Variants in IL31RA observed in about 807,000 individuals in gnomAD.
IL31RA encodes the protein interleukin 31 receptor A, also known as interleukin-31 receptor subunit alpha.
In IL31RA, 66 loss-of-function variants were observed where a neutral mutation model predicts 83.7. The ratio of observed to expected loss-of-function variants is 0.79; its 90% CI spans 0.65 to 0.97. The LOEUF (loss-of-function observed/expected upper bound fraction) is 0.97, where lower values mean the gene tolerates loss of function less well. Ranked by LOEUF, IL31RA falls within the 50% of genes least tolerant of loss-of-function variation. IL31RA has a pLI of 0.00. For synonymous variants in IL31RA, 325 were observed against 329.0 expected (o/e 0.99, Z 0.13); for missense variants, 798 against 919.4 (o/e 0.87, Z 1.71).
intron 6 of IL31RA, among the ~76,000 whole-genome samples, chr5:55,892,781 T>A (rs1561103773): frequency 6.6e-6 from 1 of 152,180 alleles, no homozygotes; most frequent in Non-Finnish European, 1.5e-5. Flanking sequence ...TTTCTCAGCT[T>A]GTTTTGCTGC....
intron 2 of IL31RA, among the ~76,000 whole-genome samples, chr5:55,864,693 C>T (rs537590129): frequency 2.1e-4 from 31 of 151,122 alleles, no homozygotes; most frequent in African/African-American, 6.8e-4. Flanking sequence ...AAACACATCA[C>T]ACATACTACA....
chr5:55,866,337 C>T (rs907252850), intron 2 of IL31RA, among the ~76,000 whole-genome samples: 7 of 152,020 alleles, frequency 4.6e-5, no homozygotes, highest in African/African-American at 1.5e-4. Flanking sequence ...GGACCGGTTT[C>T]ATGGAAGACA....
At chr5:55,891,469 G>A (rs1747987458) in intron 6 of IL31RA, among the ~76,000 whole-genome samples, 1 of 152,202 alleles carries the variant, frequency 6.6e-6, no homozygotes, top group Admixed American at 6.5e-5. Flanking sequence ...GACTCTGAGT[G>A]GAGAATCTGT....
Position 55,891,761 on chromosome 5 carries a change from A to ATTTTTTTTTTTTTTTTTTTTTTTTTTTT in IL31RA, c.772+1631_772+1658dup, listed in dbSNP as rs35672011. Among the ~76,000 whole-genome samples the ATTTTTTTTTTTTTTTTTTTTTTTTTTTT allele has an allele frequency of 3.3e-5, 2 of 60,030 alleles. 1 individual carries two copies. Among genetic ancestry groups the ATTTTTTTTTTTTTTTTTTTTTTTTTTTT allele is most frequent in the Non-Finnish European group, 5.8e-5 (2 of 34,712 alleles). 39.4% of individuals were successfully genotyped at this position (60,030 alleles called of 152,430 possible). On this transcript the variant is annotated intron_variant, in intron 6 of 14. Transcript: ENST00000652347. Reference sequence around the variant, plus strand: ...TACAGGTTCCAGGGATTTGGACAAGATTTTTTTTTTTTTTTTTTTTTTTTT... The same window carrying ATTTTTTTTTTTTTTTTTTTTTTTTTTTT: ...TACAGGTTCCAGGGATTTGGACAAGATTTTTTTTTTTTTTTTTTTTTTTTTTTTTTTTTTTTTTTTTTTTTTTTTTTTT...
rs1748703034 is a variant in IL31RA at position 55,899,896 on chromosome 5, T to A, written c.853-20T>A. The stretch of plus-strand genomic sequence containing the variant: ...TTTTTCTTTGTTATTGGCAATAAAT[T>A]TTGTTTTCTTTGGGTTCAGAAGGCA... On this transcript the variant is annotated intron_variant, in intron 7 of 14. Transcript: ENST00000652347. 1 of 1,580,600 alleles carries A rather than the reference T, an allele frequency of 6.3e-7. No individual in the cohort carries two copies. Among genetic ancestry groups the A allele is most frequent in the African/African-American group, 1.3e-5 (1 of 74,204 alleles).
intron 11 of IL31RA, 45 bp downstream of exon 11, chr5:55,908,456 A>T (rs779823460): frequency 6.2e-7 from 1 of 1,614,198 alleles, no homozygotes. Context: ...CAAGCCCCAG[A>T]TAGATGCTAT....
chr5:55,879,425 CT>C (rs869152529), intron 4 of IL31RA, among the ~76,000 whole-genome samples: 320 of 45,740 alleles, frequency 7.0e-3, no homozygotes, highest in Non-Finnish European at 9.7e-3. Flanking sequence ...AGTTTCTGTC[CT>C]TTTTTTTTTT....
At chr5:55,875,090 G>C (rs908855201) in intron 4 of IL31RA, among the ~76,000 whole-genome samples, 3 of 151,988 alleles carry the variant, frequency 2.0e-5, no homozygotes, top group African/African-American at 7.2e-5. Flanking sequence ...AATAGGTGTG[G>C]GATCTTGTCA....
At chr5:55,874,066 TG>T (rs1746690022) in intron 4 of IL31RA, among the ~76,000 whole-genome samples, 1 of 152,092 alleles carries the variant, frequency 6.6e-6, no homozygotes. Context: ...TTTTTGTATA[TG>T]GTGTTAAATA....
At chr5:55,908,860 T>C (rs1215662253) in intron 11 of IL31RA, 3 of 1,324,588 alleles carry the variant, frequency 2.3e-6, no homozygotes, top group Non-Finnish European at 2.9e-6. Flanking sequence ...GGATTCTTGC[T>C]TAGGCTAAAT....
chr5:55,914,775 C>T (rs1358436494), intron 13 of IL31RA, 72 bp from the exon 14 acceptor site: 2 of 1,099,244 alleles, frequency 1.8e-6, no homozygotes, highest in African/African-American at 3.1e-5. Flanking sequence ...CAGCCTCACT[C>T]TTTTGACTCA....
In IL31RA at chr5:55,867,127, G is replaced by GTGTGTGCA. The variant is rs1561542913; in HGVS notation, c.155-1658_155-1657insCATGTGTG. Among the ~76,000 whole-genome samples, 430 of 110,692 alleles carry GTGTGTGCA rather than the reference G, an allele frequency of 3.9e-3. 6 individuals are homozygous for GTGTGTGCA. The highest frequency in any genetic ancestry group is 0.012 in the African/African-American group (417 of 35,312). 72.6% of individuals were successfully genotyped at this position (110,692 alleles called of 152,430 possible). On this transcript the variant is annotated intron_variant, in intron 2 of 14. Transcript: ENST00000652347. ...TGTGTGTGTGCATGTGTGTGTTTGT[G>GTGTGTGCA]TGTGTGTGCATGTGTGTGTGCATGT...
upstream of IL31RA, among the ~76,000 whole-genome samples, chr5:55,847,248 TAAATA>T (rs1187030139): frequency 2.7e-3 from 91 of 33,466 alleles, 1 homozygote; most frequent in Middle Eastern, 0.033. Flanking sequence ...AAAATAAAAA[TAAATA>T]AATAAATAAA....
At chr5:55,888,463 A>AG in intron 5 of IL31RA, among the ~76,000 whole-genome samples, 1 of 152,352 alleles carries the variant, frequency 6.6e-6, no homozygotes, top group Non-Finnish European at 1.5e-5. Context: ...ACCACTACAC[A>AG]GGCTGAGCAT....
intron 4 of IL31RA, among the ~76,000 whole-genome samples, chr5:55,882,247 G>C (rs766793155): frequency 2.8e-4 from 42 of 152,212 alleles, no homozygotes; most frequent in South Asian, 6.2e-4. Flanking sequence ...ATGAATGTGC[G>C]ATAATAGAAC....
rs546415769 is a variant in IL31RA, at chr5:55,855,335, T to A, written c.63+3702T>A. On this transcript the variant is annotated intron_variant, in intron 1 of 14. Transcript: ENST00000652347. ...ATTTAAAATATATATATATATATAT[T>A]TTTAGAGACAGAGTCTTGCTATGTT... Among the ~76,000 whole-genome samples the A allele has an allele frequency of 1.6e-3, 213 of 133,968 alleles. 3 individuals are homozygous for A. Among genetic ancestry groups the A allele is most frequent in the African/African-American group, 5.4e-3 (203 of 37,802 alleles). 87.9% of individuals were successfully genotyped at this position (133,968 alleles called of 152,430 possible).
At chr5:55,889,843 A>G (rs948804530) in intron 5 of IL31RA, 127 bp from the exon 6 acceptor site, 5 of 817,350 alleles carry the variant, frequency 6.1e-6, no homozygotes, top group Non-Finnish European at 1.0e-5. Flanking sequence ...TAAAAATGAT[A>G]TATTTTAAAA....
chr5:55,914,849 A>G lies in IL31RA; in HGVS notation c.1739A>G (p.Lys580Arg), dbSNP rs765046783. 4.3e-6 allele frequency: 7 copies of G among 1,610,128 alleles called. No individual in the cohort carries two copies. In the South Asian group the frequency reaches 4.4e-5, roughly 10 times the overall value. Reference protein sequence around the residue: ...TVAYGLKKPNKLTHLCWPTVP... With the variant: ...TVAYGLKKPNRLTHLCWPTVP... Reference sequence around the variant, plus strand: ...CTTAAAATCTTCTCTCTCATTAGCAAATTGACTCATCTGTGTTGGCCCACC... The same window carrying G: ...CTTAAAATCTTCTCTCTCATTAGCAGATTGACTCATCTGTGTTGGCCCACC... The change falls in exon 14 of 15, where the codon AAA (lysine) becomes AGA (arginine). Residue 580 changes from lysine to arginine, a missense_variant and splice_region_variant. Lys to Arg is a conservative substitution (Grantham distance 26, BLOSUM62 2). Transcript: ENST00000652347.
rs1203830704 is a variant in IL31RA at position 55,922,359 on chromosome 5, G to C, written c.*5239G>C. 4 of 1,539,068 alleles carry C rather than the reference G, an allele frequency of 2.6e-6. No homozygotes were observed. The highest frequency in any genetic ancestry group is 3.3e-4 in the Middle Eastern group (2 of 5,988). On this transcript the variant is annotated 3_prime_UTR_variant, in exon 15 of 15. Transcript: ENST00000652347. ...AGCAATGCTCTCGTGGCTGTTCAAG[G>C]GAAGTGAGATACTTGTACTATGCAT...
Sources: allele counts gnomAD v4.1 joint callset (sites outside exome capture counted in the v4.1 genomes callset), GRCh38; gene constraint gnomAD v4.1.1; transcripts MANE v1.5; gene names NCBI Gene and HGNC (gene_info 2026-07-23, HGNC 2026-07-21).